SLC30A9: variants seen among roughly 807,000 people sequenced by gnomAD.
SLC30A9 encodes solute carrier family 30 member 9, also known as proton-coupled zinc antiporter SLC30A9, mitochondrial.
Under a neutral mutation model 87.5 loss-of-function variants are expected in SLC30A9, and 58 were observed. That is an observed-to-expected ratio of 0.66 (90% CI 0.54 to 0.82). The LOEUF (loss-of-function observed/expected upper bound fraction) is 0.82, where lower values mean the gene tolerates loss of function less well. Among genes scored for constraint, SLC30A9 ranks in the 40% least tolerant of loss-of-function variants. The probability of loss-of-function intolerance (pLI) is 0.00; values close to 1 mark genes in which losing one functional copy is unlikely to be tolerated. For synonymous variants in SLC30A9, 234 were observed against 233.0 expected, an observed-to-expected ratio of 1.00 and a Z score of -0.04; for missense variants, 557 against 679.1, an observed-to-expected ratio of 0.82 and a Z score of 2.00.
At chr4:42,048,604 G>A (rs931557421) in intron 8 of SLC30A9, among the ~76,000 whole-genome samples, 1 of 151,784 alleles carries the variant, frequency 6.6e-6, no homozygotes, top group Non-Finnish European at 1.5e-5. Flanking sequence ...GTTTATTTTG[G>A]CATCTAGCTG....
At chr4:42,067,246 T>A in intron 14 of SLC30A9, 54 bp downstream of exon 14, 1 of 1,100,458 alleles carries the variant, frequency 9.1e-7, no homozygotes, top group Non-Finnish European at 1.4e-6. Context: ...AATAATTCTC[T>A]AATATGTGGG....
chr4:41,999,214 CG>C (rs991638526), intron 1 of SLC30A9, among the ~76,000 whole-genome samples: 7 of 152,062 alleles, frequency 4.6e-5, no homozygotes, highest in Admixed American at 4.6e-4. Flanking sequence ...GGGTAATTAA[CG>C]TATTATTTTG....
chr4:42,022,091 A>G (rs192097703), intron 4 of SLC30A9, among the ~76,000 whole-genome samples: 1,829 of 74,322 alleles, frequency 0.025, 329 homozygotes, highest in African/African-American at 0.049. Flanking sequence ...GCCCGCCACC[A>G]CGCCCGGCTA....
chr4:42,056,204 T>C (rs923866513), intron 9 of SLC30A9, among the ~76,000 whole-genome samples: 4 of 152,002 alleles, frequency 2.6e-5, no homozygotes, highest in African/African-American at 9.7e-5. Context: ...TTGAATATTT[T>C]AAAAATAATA....
intron 1 of SLC30A9, among the ~76,000 whole-genome samples, chr4:41,998,844 G>A (rs1714858025): frequency 1.3e-5 from 2 of 152,104 alleles, no homozygotes; most frequent in Admixed American, 6.6e-5. Context: ...AGTTAAATGT[G>A]CTTCAGTATA....
chr4:42,055,531 C>T (rs762898047), intron 9 of SLC30A9, among the ~76,000 whole-genome samples: 3 of 152,158 alleles, frequency 2.0e-5, no homozygotes, highest in Admixed American at 6.5e-5. Context: ...GGACTACAGG[C>T]GCCCGCCACC....
At chr4:42,072,007 T>G (rs1718332887) in intron 15 of SLC30A9, among the ~76,000 whole-genome samples, 1 of 152,250 alleles carries the variant, frequency 6.6e-6, no homozygotes, top group African/African-American at 2.4e-5. Flanking sequence ...TGACTTAGTT[T>G]AAGTAGCTTG....
At chr4:41,997,351 G>C (rs1307356726) in intron 1 of SLC30A9, among the ~76,000 whole-genome samples, 1 of 151,682 alleles carries the variant, frequency 6.6e-6, no homozygotes, top group Non-Finnish European at 1.5e-5. Flanking sequence ...ATCTGTTAAT[G>C]GTAGACTATA....
rs879818421 is a variant in SLC30A9, at chr4:41,999,682, TA to T, written c.110-1922del. Among the ~76,000 whole-genome samples the T allele has an allele frequency of 2.8e-3, 394 of 142,112 alleles. 1 individual carries two copies. The highest frequency in any genetic ancestry group is 4.9e-3 in the Admixed American group (69 of 14,162). 93.2% of individuals were successfully genotyped at this position (142,112 alleles called of 152,430 possible). A position where few individuals can be genotyped will look rare whatever the true frequency, so the allele number is the denominator to read the frequency against. On this transcript the variant is annotated intron_variant, in intron 1 of 17. Transcript: ENST00000264451. ...GCTTTTTCAACATAAAAATTGCAGTTAAAAAAAAAAAAGACATTCTGTAGCT... is the reference window on the plus strand; with the variant it reads ...GCTTTTTCAACATAAAAATTGCAGTTAAAAAAAAAAAGACATTCTGTAGCT...
At chr4:42,052,435 A>G (rs955706135) in intron 9 of SLC30A9, among the ~76,000 whole-genome samples, 9 of 152,240 alleles carry the variant, frequency 5.9e-5, no homozygotes, top group Non-Finnish European at 1.2e-4. Context: ...ACGGACATGC[A>G]AAGAACCTGG....
At chr4:42,041,057 G>A (rs1239001091) in intron 8 of SLC30A9, among the ~76,000 whole-genome samples, 1 of 152,102 alleles carries the variant, frequency 6.6e-6, no homozygotes, top group Non-Finnish European at 1.5e-5. Flanking sequence ...ATGGCAGCAG[G>A]CAAATAGAGC....
intron 3 of SLC30A9, 77 bp downstream of exon 3, chr4:42,018,247 C>T: frequency 2.4e-6 from 2 of 835,364 alleles, no homozygotes; most frequent in Non-Finnish European, 3.8e-6. Context: ...ATGTAGAGCT[C>T]TTTATAGTTA....
chr4:42,034,470 T>C (rs769747220), intron 6 of SLC30A9, among the ~76,000 whole-genome samples: 3 of 148,262 alleles, frequency 2.0e-5, no homozygotes, highest in Non-Finnish European at 4.5e-5. Context: ...TTCTGCTTTT[T>C]GTTTCTATTA....
At chr4:42,066,937 G>T in intron 13 of SLC30A9, 148 bp from the exon 14 acceptor site, 1 of 567,608 alleles carries the variant, frequency 1.8e-6, no homozygotes, top group South Asian at 2.6e-5. Flanking sequence ...TTTGCATTGA[G>T]CAAGGTTTTT....
chr4:42,047,799 A>G (rs1044921421), intron 8 of SLC30A9, among the ~76,000 whole-genome samples: 1 of 152,170 alleles, frequency 6.6e-6, no homozygotes, highest in African/African-American at 2.4e-5. Flanking sequence ...TTGTAGCACT[A>G]TTCATATTAG....
intron 8 of SLC30A9, among the ~76,000 whole-genome samples, chr4:42,042,836 C>T (rs996073640): frequency 6.6e-6 from 1 of 152,180 alleles, no homozygotes; most frequent in African/African-American, 2.4e-5. Context: ...CTCCAGCTGA[C>T]ATCTGGCAGG....
chr4:42,013,607 C>T (rs1453569745), intron 2 of SLC30A9, among the ~76,000 whole-genome samples: 1 of 152,174 alleles, frequency 6.6e-6, no homozygotes, highest in Non-Finnish European at 1.5e-5. Context: ...ACAGTGAGCT[C>T]ATTTTCAACA....
At chr4:42,043,684 A>T (rs1164444158) in intron 8 of SLC30A9, among the ~76,000 whole-genome samples, 1 of 152,190 alleles carries the variant, frequency 6.6e-6, no homozygotes, top group Non-Finnish European at 1.5e-5. Flanking sequence ...ACCTAGCAAG[A>T]CAGGCTAATA....
chr4:42,083,389 A>G (rs992706353), intron 17 of SLC30A9, among the ~76,000 whole-genome samples: 3 of 152,226 alleles, frequency 2.0e-5, no homozygotes, highest in Non-Finnish European at 4.4e-5. Flanking sequence ...TAAATTGGAT[A>G]CCAATTATTG....
Sources: allele counts gnomAD v4.1 joint callset (sites outside exome capture counted in the v4.1 genomes callset), GRCh38; gene constraint gnomAD v4.1.1; transcripts MANE v1.5; gene names NCBI Gene and HGNC (gene_info 2026-07-23, HGNC 2026-07-21).